VAV3: variants seen among roughly 807,000 people sequenced by gnomAD.
VAV3 encodes the protein vav guanine nucleotide exchange factor 3.
VAV3 carries 94 observed loss-of-function variants against 131.2 expected under a neutral mutation model. The observed-to-expected ratio is 0.72, with a 90% CI of 0.61 to 0.85. VAV3 has a LOEUF of 0.85. VAV3 is among the 40% of genes least tolerant of loss of function. The pLI is 0.00. For synonymous variants in VAV3, 349 were observed against 342.0 expected, an observed-to-expected ratio of 1.02 and a Z score of -0.22; for missense variants, 939 against 1,002.7, an observed-to-expected ratio of 0.94 and a Z score of 0.86.
chr1:107,709,732 G>A (rs899331236), intron 15 of VAV3, among the ~76,000 whole-genome samples: 1 of 152,114 alleles, frequency 6.6e-6, no homozygotes, highest in Non-Finnish European at 1.5e-5. Flanking sequence ...TTTTATAAGG[G>A]GCTGCCCCCT....
chr1:107,577,583 G>A (rs907056019), intron 25 of VAV3, among the ~76,000 whole-genome samples: 1 of 152,162 alleles, frequency 6.6e-6, no homozygotes, highest in Non-Finnish European at 1.5e-5. Context: ...GACAGCTTCT[G>A]GGACCTTTCC....
At chr1:107,706,866 T>G (rs929180216) in intron 15 of VAV3, among the ~76,000 whole-genome samples, 2 of 152,136 alleles carry the variant, frequency 1.3e-5, no homozygotes, top group Non-Finnish European at 2.9e-5. Context: ...CTCATGTAAA[T>G]AAGTTCCAAA....
intron 1 of VAV3, among the ~76,000 whole-genome samples, chr1:107,924,137 A>C (rs891216165): frequency 6.6e-6 from 1 of 152,208 alleles, no homozygotes; most frequent in Non-Finnish European, 1.5e-5. Flanking sequence ...GGCCATGGAT[A>C]CAACCTCTTT....
At chr1:107,957,230 A>G (rs1674857289) in intron 1 of VAV3, among the ~76,000 whole-genome samples, 1 of 152,192 alleles carries the variant, frequency 6.6e-6, no homozygotes, top group Non-Finnish European at 1.5e-5. Flanking sequence ...TCTGTATCTA[A>G]AAGGTTGCAA....
At chr1:107,892,631 G>T (rs1054740058) in intron 1 of VAV3, among the ~76,000 whole-genome samples, 1 of 150,556 alleles carries the variant, frequency 6.6e-6, no homozygotes, top group African/African-American at 2.5e-5. Context: ...AAAAAATGAT[G>T]TGGACTCCTC....
At chr1:107,774,913 C>CT (rs375088872) in intron 4 of VAV3, among the ~76,000 whole-genome samples, 1,800 of 130,646 alleles carry the variant, frequency 0.014, 23 homozygotes, top group East Asian at 0.042. Context: ...AATACATTTG[C>CT]TTTTTTTTTT....
At chr1:107,583,515 G>A (rs1236403803) in intron 25 of VAV3, among the ~76,000 whole-genome samples, 1 of 152,098 alleles carries the variant, frequency 6.6e-6, no homozygotes, top group Non-Finnish European at 1.5e-5. Flanking sequence ...AAACCCCACT[G>A]TCTCAGCCCA....
chr1:107,738,991 A>T (rs1662850557), intron 15 of VAV3, among the ~76,000 whole-genome samples: 1 of 152,218 alleles, frequency 6.6e-6, no homozygotes, highest in Non-Finnish European at 1.5e-5. Context: ...ACAACAGATG[A>T]AAGGCTCTGT....
rs1403461134 is a variant in VAV3, at chr1:107,798,510, AGATCGAGACCATTCTGGCTAACACAGT to A, written c.322-19045_322-19019del. On this transcript the variant is annotated intron_variant, in intron 2 of 26. Coordinates refer to ENST00000370056, the MANE Select transcript of VAV3 (RefSeq NM_006113.5). Reference sequence around the variant, plus strand: ...GAGGTGGGCGGATCATGAGGTCAGGAGATCGAGACCATTCTGGCTAACACAGTGTAAACCTCATCTCTACTAAAAATA... The same window carrying A: ...GAGGTGGGCGGATCATGAGGTCAGGAGTAAACCTCATCTCTACTAAAAATA... Among the ~76,000 whole-genome samples the A allele has an allele frequency of 2.0e-5, 3 of 152,050 alleles. No individual in the cohort carries two copies. In the East Asian group the frequency reaches 5.8e-4, roughly 30 times the overall value.
chr1:107,865,032 C>T (rs1207042623), intron 2 of VAV3, among the ~76,000 whole-genome samples: 1 of 152,138 alleles, frequency 6.6e-6, no homozygotes, highest in African/African-American at 2.4e-5. Context: ...GAATTCAATT[C>T]ACACTCTTCA....
At chr1:107,815,715 C>T (rs550044155) in intron 2 of VAV3, among the ~76,000 whole-genome samples, 2 of 152,306 alleles carry the variant, frequency 1.3e-5, no homozygotes, top group African/African-American at 4.8e-5. Flanking sequence ...AATTACGGCA[C>T]TATTTGTTTA....
intron 15 of VAV3, among the ~76,000 whole-genome samples, chr1:107,738,420 T>C (rs1662810375): frequency 6.6e-6 from 1 of 152,188 alleles, no homozygotes; most frequent in African/African-American, 2.4e-5. Context: ...AGAAGTGAAC[T>C]TGTCTATCAC....
intron 2 of VAV3, among the ~76,000 whole-genome samples, chr1:107,831,449 T>G (rs1190436610): frequency 1.3e-5 from 2 of 152,114 alleles, no homozygotes; most frequent in African/African-American, 4.8e-5. Context: ...TAAGTAGAAA[T>G]TTTTCTTCCA....
intron 20 of VAV3, among the ~76,000 whole-genome samples, chr1:107,639,808 C>G (rs991986916): frequency 6.6e-6 from 1 of 151,950 alleles, no homozygotes; most frequent in Non-Finnish European, 1.5e-5. Flanking sequence ...GTGATACATG[C>G]CTGTTGTTCC....
intron 25 of VAV3, among the ~76,000 whole-genome samples, chr1:107,579,085 C>G (rs575805691): frequency 6.6e-6 from 1 of 152,208 alleles, no homozygotes; most frequent in African/African-American, 2.4e-5. Context: ...TGCTAGCCCT[C>G]TCTCTTATCT....
In VAV3 at chr1:107,606,887, A is replaced by G. The variant is rs1347054544; in HGVS notation, c.2015+3044T>C. On this transcript the variant is annotated intron_variant, in intron 22 of 26. Transcript: ENST00000370056. ...CTTTGTTGTTTGTTACTTAAGAAGG[A>G]TGCATCCACAATTGACTGGAAACTC... Among the ~76,000 whole-genome samples the G allele has an allele frequency of 4.4e-5, 6 of 134,982 alleles. No homozygotes were observed. In the Admixed American group the frequency reaches 5.0e-4, roughly 11 times the overall value. 88.6% of individuals were successfully genotyped at this position (134,982 alleles called of 152,430 possible). A position where few individuals can be genotyped will look rare whatever the true frequency, so the allele number is the denominator to read the frequency against.
At chr1:107,670,340 A>G (rs1157486537) in intron 19 of VAV3, among the ~76,000 whole-genome samples, 2 of 152,208 alleles carry the variant, frequency 1.3e-5, no homozygotes, top group South Asian at 2.1e-4. Flanking sequence ...TCTCTGATCC[A>G]TGGGCCCAAA....
At chr1:107,909,537 T>C (rs527796141) in intron 1 of VAV3, among the ~76,000 whole-genome samples, 3 of 152,268 alleles carry the variant, frequency 2.0e-5, no homozygotes, top group Non-Finnish European at 4.4e-5. Flanking sequence ...TTTAATCCAA[T>C]TGGTACAGAT....
At chr1:107,864,344 A>C (rs1484398187) in intron 2 of VAV3, among the ~76,000 whole-genome samples, 1 of 152,192 alleles carries the variant, frequency 6.6e-6, no homozygotes, top group Admixed American at 6.5e-5. Flanking sequence ...GGCAAGGGCC[A>C]GTCGTGGTGG....
Sources: gnomAD v4.1 joint callset for allele counts (sites outside exome capture counted in the v4.1 genomes callset) on GRCh38, gnomAD v4.1.1 for gene constraint, MANE v1.5 for transcripts, NCBI Gene and HGNC (gene_info 2026-07-23, HGNC 2026-07-21) for gene names.